Variants in RABGAP1L observed in about 807,000 individuals in gnomAD.
RABGAP1L encodes the protein rab GTPase-activating protein 1-like.
Under a neutral mutation model 137.7 loss-of-function variants are expected in RABGAP1L, and 63 were observed. The ratio of observed to expected loss-of-function variants is 0.46; its 90% CI spans 0.37 to 0.56. RABGAP1L has a LOEUF of 0.56. Ranked by LOEUF, RABGAP1L falls within the 20% of genes least tolerant of loss-of-function variation. The probability of loss-of-function intolerance (pLI) is 0.00; values close to 1 mark genes in which losing one functional copy is unlikely to be tolerated. For synonymous variants in RABGAP1L, 431 were observed against 433.7 expected, an observed-to-expected ratio of 0.99 and a Z score of 0.08; for missense variants, 1,095 against 1,244.0, an observed-to-expected ratio of 0.88 and a Z score of 1.80.
intron 10 of RABGAP1L, among the ~76,000 whole-genome samples, chr1:174,301,658 A>C (rs956090070): frequency 5.3e-5 from 8 of 152,114 alleles, no homozygotes; most frequent in Non-Finnish European, 1.0e-4. Context: ...AGGGGACACA[A>C]GGGTGGTCCC....
chr1:174,517,924 A>C (rs2147832880), intron 13 of RABGAP1L, among the ~76,000 whole-genome samples: 1 of 152,154 alleles, frequency 6.6e-6, no homozygotes, highest in East Asian at 1.9e-4. Context: ...TAATGTTTTT[A>C]AAGCTAGTTA....
chr1:174,855,942 T>C (rs1166992028), intron 19 of RABGAP1L, among the ~76,000 whole-genome samples: 1 of 152,224 alleles, frequency 6.6e-6, no homozygotes, highest in African/African-American at 2.4e-5. Flanking sequence ...TGTGTTCTCT[T>C]GAATTTAACT....
chr1:174,758,155 A>G (rs1259280667), intron 18 of RABGAP1L, among the ~76,000 whole-genome samples: 1 of 152,202 alleles, frequency 6.6e-6, no homozygotes, highest in Non-Finnish European at 1.5e-5. Context: ...ACAGTTGTCA[A>G]AACAGCATAA....
chr1:174,313,421 T>G (rs1210945568), intron 11 of RABGAP1L, among the ~76,000 whole-genome samples: 1 of 152,206 alleles, frequency 6.6e-6, no homozygotes, highest in African/African-American at 2.4e-5. Flanking sequence ...AAGGATAATT[T>G]GACTTCTTTC....
At chr1:174,272,311 C>T (rs1176283854) in intron 7 of RABGAP1L, 103 bp from the exon 8 acceptor site, 1 of 1,197,950 alleles carries the variant, frequency 8.3e-7, no homozygotes, top group East Asian at 2.8e-5. Flanking sequence ...CTTATAAATA[C>T]AGAGCTCAGA....
chr1:174,950,989 AGTGACT>A (rs1158818243), intron 19 of RABGAP1L, among the ~76,000 whole-genome samples: 1 of 152,218 alleles, frequency 6.6e-6, no homozygotes, highest in African/African-American at 2.4e-5. Context: ...AGCTCTTACA[AGTGACT>A]GGCCCAATGT....
intron 13 of RABGAP1L, among the ~76,000 whole-genome samples, chr1:174,615,970 G>A (rs967946363): frequency 6.6e-6 from 1 of 152,210 alleles, no homozygotes; most frequent in African/African-American, 2.4e-5. Context: ...GATTTTCCAG[G>A]TGCCGTCTGT....
At chr1:174,349,858 C>G (rs1374650148) in intron 11 of RABGAP1L, among the ~76,000 whole-genome samples, 31 of 96,170 alleles carry the variant, frequency 3.2e-4, no homozygotes, top group Admixed American at 5.4e-4. Context: ...CCGGGCGGGG[C>G]GCTGACCCCC....
At chr1:174,327,328 G>T (rs1169687741) in intron 11 of RABGAP1L, among the ~76,000 whole-genome samples, 1 of 150,742 alleles carries the variant, frequency 6.6e-6, no homozygotes. Flanking sequence ...ATATAATAAG[G>T]TATAAAAAGA....
intron 19 of RABGAP1L, among the ~76,000 whole-genome samples, chr1:174,896,074 T>C (rs1461006564): frequency 6.6e-6 from 1 of 152,214 alleles, no homozygotes; most frequent in East Asian, 1.9e-4. Flanking sequence ...GTAAAAGTGT[T>C]CCTATTTCTC....
chr1:174,308,210 ATGTATG>A (rs1678483205), intron 11 of RABGAP1L, among the ~76,000 whole-genome samples: 2 of 152,016 alleles, frequency 1.3e-5, no homozygotes, highest in East Asian at 1.9e-4. Context: ...GTATTTACAT[ATGTATG>A]TGTATATGTA....
rs192741322 is a variant in RABGAP1L, at chr1:174,862,331, G to A, written c.2340+50371G>A. 7.9e-5 allele frequency among the ~76,000 whole-genome samples: 12 copies of A among 152,170 alleles called. No homozygotes were observed. The East Asian group carries it at 1.7e-3, about 22-fold the overall frequency. On this transcript the variant is annotated intron_variant, in intron 19 of 25. Coordinates refer to ENST00000681986, the MANE Select transcript of RABGAP1L (RefSeq NM_001366446.1). The stretch of plus-strand genomic sequence containing the variant: ...AATTTTTTTAAGCACAAACCCAGGG[G>A]TGTGACATACCCTGAAACTGGTGAT...
rs1293739718 is a variant in RABGAP1L, at chr1:174,865,889, A to G, written c.2340+53929A>G. On this transcript the variant is annotated intron_variant, in intron 19 of 25. Coordinates refer to ENST00000681986, the MANE Select transcript of RABGAP1L (RefSeq NM_001366446.1). ...AACTGCAATCTGTAAGACTGTATGTATCATGTTCACATCTCAACTGTGCTC... is the reference window on the plus strand; with the variant it reads ...AACTGCAATCTGTAAGACTGTATGTGTCATGTTCACATCTCAACTGTGCTC... 2.6e-5 allele frequency among the ~76,000 whole-genome samples: 4 copies of G among 152,346 alleles called. No homozygotes were observed. In the South Asian group the frequency reaches 8.3e-4, roughly 32 times the overall value.
Position 174,989,985 on chromosome 1 carries a change from C to T in RABGAP1L, c.3140C>T (p.Pro1047Leu), listed in dbSNP as rs1275436847. 1.9e-6 allele frequency: 3 copies of T among 1,545,608 alleles called. No individual in the cohort carries two copies. Among genetic ancestry groups the T allele is most frequent in the Non-Finnish European group, 1.8e-6 (2 of 1,142,364 alleles). Residue 1047 changes from proline (P) to leucine (L), a missense_variant, in exon 26 of 26, where the codon CCC becomes CTC. Physicochemically the swap from Pro to Leu is moderately conservative, Grantham distance 98 (BLOSUM62 -3). This residue lies in a region of RABGAP1L where 312 missense variants were observed against 435.6 expected (regional missense o/e 0.72). Transcript: ENST00000681986. ...PLQPAPVTQP[P>L]KEST ...CAGCCAGCACCGGTCACCCAGCCACCCAAGGAGAGCACATAGTTCCAGCCT... is the reference window on the plus strand; with the variant it reads ...CAGCCAGCACCGGTCACCCAGCCACTCAAGGAGAGCACATAGTTCCAGCCT...
chr1:174,548,591 C>T (rs1204612578), intron 13 of RABGAP1L: 1 of 969,462 alleles, frequency 1.0e-6, no homozygotes, highest in South Asian at 4.8e-5. Context: ...TTTTTCATAC[C>T]CACAGAAATT....
At chr1:174,400,488 A>C (rs529065484) in intron 13 of RABGAP1L, among the ~76,000 whole-genome samples, 1 of 152,014 alleles carries the variant, frequency 6.6e-6, no homozygotes, top group Non-Finnish European at 1.5e-5. Flanking sequence ...TTTCCCTCCT[A>C]AGAGGAGCAT....
At chr1:174,907,789 A>G (rs1309121677) in intron 19 of RABGAP1L, among the ~76,000 whole-genome samples, 1 of 152,182 alleles carries the variant, frequency 6.6e-6, no homozygotes, top group Non-Finnish European at 1.5e-5. Flanking sequence ...AAGACAGGCA[A>G]CAAGTGGCAT....
chr1:174,204,918 C>T (rs1431573137), intron 1 of RABGAP1L, among the ~76,000 whole-genome samples: 2 of 152,178 alleles, frequency 1.3e-5, no homozygotes, highest in Non-Finnish European at 2.9e-5. Context: ...CTGAGGCCTA[C>T]CAGCCATGCT....
intron 17 of RABGAP1L, among the ~76,000 whole-genome samples, chr1:174,726,181 A>C (rs942658090): frequency 6.6e-6 from 1 of 151,920 alleles, no homozygotes; most frequent in Admixed American, 6.6e-5. Context: ...AGCACTTTGA[A>C]TTTTCTCTTT....
Sources: allele counts gnomAD v4.1 joint callset (sites outside exome capture counted in the v4.1 genomes callset), GRCh38; gene constraint gnomAD v4.1.1; regional missense constraint gnomAD v4.1.1; transcripts MANE v1.5; gene names NCBI Gene and HGNC (gene_info 2026-07-23, HGNC 2026-07-21).